FCHSD2: variants seen among roughly 807,000 people sequenced by gnomAD.
FCHSD2 encodes the protein F-BAR and double SH3 domains protein 2.
Under a neutral mutation model 108.1 loss-of-function variants are expected in FCHSD2, and 38 were observed. That is an observed-to-expected ratio of 0.35 (90% CI 0.27 to 0.46). FCHSD2 has a LOEUF of 0.46. Among genes scored for constraint, FCHSD2 ranks in the 20% least tolerant of loss-of-function variants. FCHSD2 has a pLI of 1.00. For missense variants in FCHSD2, 751 were observed against 897.8 expected (o/e 0.84, Z 2.09); for synonymous variants, 279 against 314.7 (o/e 0.89, Z 1.20).
chr11:72,906,317 G>A (rs1300826707), intron 9 of FCHSD2, among the ~76,000 whole-genome samples: 1 of 152,046 alleles, frequency 6.6e-6, no homozygotes, highest in Non-Finnish European at 1.5e-5. Flanking sequence ...TGTAGATTCT[G>A]GATACTAGCC....
At chr11:73,122,283 C>T (rs1256728869) in intron 2 of FCHSD2, among the ~76,000 whole-genome samples, 1 of 152,128 alleles carries the variant, frequency 6.6e-6, no homozygotes, top group South Asian at 2.1e-4. Flanking sequence ...ACTCCAACCT[C>T]TTACAAGTAC....
intron 2 of FCHSD2, among the ~76,000 whole-genome samples, chr11:73,114,326 C>T (rs553389124): frequency 6.6e-5 from 10 of 151,940 alleles, no homozygotes; most frequent in South Asian, 4.1e-4. Flanking sequence ...AACCCTTCAG[C>T]GCAGTAGGCT....
chr11:72,991,755 G>A lies in FCHSD2; in HGVS notation c.388-2658C>T, dbSNP rs1233949847. ...TCAATAAATTAGGTATTGATGGGAC[G>A]TATCTCAAAATAATAAGAACTATCT... On this transcript the variant is annotated intron_variant, in intron 5 of 19. Transcript: ENST00000409418. 5.9e-5 allele frequency among the ~76,000 whole-genome samples: 9 copies of A among 152,096 alleles called. No individual in the cohort carries two copies. The East Asian group carries it at 1.5e-3, about 26-fold the overall frequency.
chr11:73,010,991 G>A, intron 4 of FCHSD2, among the ~76,000 whole-genome samples: 1 of 152,174 alleles, frequency 6.6e-6, no homozygotes, highest in East Asian at 1.9e-4. Context: ...GGGGTGGGCA[G>A]CTCAGTCTCC....
At chr11:72,931,088 A>G (rs1856180578) in intron 8 of FCHSD2, among the ~76,000 whole-genome samples, 1 of 117,290 alleles carries the variant, frequency 8.5e-6, no homozygotes, top group East Asian at 2.6e-4. Flanking sequence ...TATACCCACA[A>G]TAATTAAATT....
intron 2 of FCHSD2, among the ~76,000 whole-genome samples, chr11:73,119,235 A>G (rs1410047784): frequency 6.6e-6 from 1 of 151,916 alleles, no homozygotes. Flanking sequence ...TCTGGGAGGC[A>G]GAGGTTGTAG....
At chr11:73,051,338 T>G (rs1225411177) in intron 3 of FCHSD2, among the ~76,000 whole-genome samples, 3 of 152,056 alleles carry the variant, frequency 2.0e-5, no homozygotes, top group Non-Finnish European at 4.4e-5. Context: ...AATAAAAAAT[T>G]TAAATCTGAG....
intron 13 of FCHSD2, 81 bp downstream of exon 13, chr11:72,867,784 G>T: frequency 8.4e-7 from 1 of 1,190,598 alleles, no homozygotes; most frequent in Non-Finnish European, 1.2e-6. Flanking sequence ...AAAAAATTTT[G>T]GCTATTATTA....
At chr11:72,957,597 A>G (rs1473716028) in intron 8 of FCHSD2, among the ~76,000 whole-genome samples, 1 of 151,420 alleles carries the variant, frequency 6.6e-6, no homozygotes, top group Non-Finnish European at 1.5e-5. Flanking sequence ...GAAATAAAAA[A>G]GATATTTTTG....
rs11235659 is a variant in FCHSD2 at position 73,105,508 on chromosome 11, A to G, written c.120-21768T>C. Among the ~76,000 whole-genome samples the G allele has an allele frequency of 4.0e-3, 603 of 152,346 alleles. 39 individuals are homozygous for G. The East Asian group carries it at 0.1, about 26-fold the overall frequency. On this transcript the variant is annotated intron_variant, in intron 2 of 19. Transcript: ENST00000409418. ...GTGAAAAGGGAATAGAGAAGAAATC[A>G]TAAGATCTAAATCTTTCTAATCCTA...
chr11:73,139,434 C>T (rs1398246856), intron 2 of FCHSD2, among the ~76,000 whole-genome samples: 1 of 152,210 alleles, frequency 6.6e-6, no homozygotes, highest in Non-Finnish European at 1.5e-5. Flanking sequence ...TAAAATAAGT[C>T]ATCCATCCCT....
intron 4 of FCHSD2, among the ~76,000 whole-genome samples, chr11:73,004,068 C>G (rs1857684858): frequency 7.6e-6 from 1 of 132,238 alleles, no homozygotes; most frequent in Non-Finnish European, 1.5e-5. Flanking sequence ...GAGATAGTGC[C>G]ACTGCACTCC....
At chr11:72,988,832 A>T in intron 6 of FCHSD2, 132 bp downstream of exon 6, 1 of 622,534 alleles carries the variant, frequency 1.6e-6, no homozygotes, top group Non-Finnish European at 2.6e-6. Context: ...TAAAGTATAT[A>T]ACACATGTAG....
rs1468606406 is a variant in FCHSD2 at position 72,843,860 on chromosome 11, TAGTC to T, written c.1444-332_1444-329del. Among the ~76,000 whole-genome samples the T allele has an allele frequency of 5.3e-5, 8 of 150,990 alleles. No individual in the cohort carries two copies. The South Asian group carries it at 8.4e-4, about 16-fold the overall frequency. On this transcript the variant is annotated intron_variant, in intron 14 of 19. Transcript: ENST00000409418. Reference sequence around the variant, plus strand: ...AAATAAGTAAATAAATAAATAAAATTAGTCAGGCATGGTGGAACATGCCTGTAGT... The same window carrying T: ...AAATAAGTAAATAAATAAATAAAATTAGGCATGGTGGAACATGCCTGTAGT...
intron 2 of FCHSD2, among the ~76,000 whole-genome samples, chr11:73,101,905 A>G (rs1284387117): frequency 6.6e-6 from 1 of 152,200 alleles, no homozygotes; most frequent in Non-Finnish European, 1.5e-5. Context: ...GTGTCTATGT[A>G]TGAAAACAGA....
In FCHSD2 at chr11:73,001,592, C is replaced by T. The variant is rs560088509; in HGVS notation, c.243-458G>A. Among the ~76,000 whole-genome samples, 44 of 152,226 alleles carry T rather than the reference C, an allele frequency of 2.9e-4. No individual in the cohort carries two copies. The South Asian group carries it at 6.2e-3, about 22-fold the overall frequency. ...AAGGTGGCACTACTGAGATACAAGA[C>T]GAAGATTGGGTACCTGTATATATAG... On this transcript the variant is annotated intron_variant, in intron 4 of 19. Coordinates refer to ENST00000409418, the MANE Select transcript of FCHSD2 (RefSeq NM_014824.3).
At chr11:73,053,109 G>T (rs945711275) in intron 3 of FCHSD2, among the ~76,000 whole-genome samples, 4 of 147,560 alleles carry the variant, frequency 2.7e-5, no homozygotes, top group Non-Finnish European at 5.9e-5. Context: ...GCCTCCCAAA[G>T]TGCTGGGATT....
At chr11:72,847,690 CTT>C (rs60989366) in intron 14 of FCHSD2, among the ~76,000 whole-genome samples, 8 of 129,028 alleles carry the variant, frequency 6.2e-5, no homozygotes, top group Admixed American at 1.6e-4. Flanking sequence ...TGACTCTAAC[CTT>C]TTTTTTTTTT....
At chr11:73,031,127 C>T (rs781173418) in intron 3 of FCHSD2, among the ~76,000 whole-genome samples, 6 of 151,704 alleles carry the variant, frequency 4.0e-5, no homozygotes, top group Non-Finnish European at 5.9e-5. Flanking sequence ...AGAAAGAAGA[C>T]GACTACTATT....
Sources: gnomAD v4.1 joint callset for allele counts (sites outside exome capture counted in the v4.1 genomes callset) on GRCh38, gnomAD v4.1.1 for gene constraint, MANE v1.5 for transcripts, NCBI Gene and HGNC (gene_info 2026-07-23, HGNC 2026-07-21) for gene names.